Variants in SLIT3 observed in about 807,000 individuals in gnomAD.
The protein encoded by SLIT3 is slit guidance ligand 3, also known as slit homolog 3 protein.
SLIT3 carries 68 observed loss-of-function variants against 184.0 expected under a neutral mutation model. The ratio of observed to expected loss-of-function variants is 0.37; its 90% CI spans 0.30 to 0.45. The LOEUF (loss-of-function observed/expected upper bound fraction) is 0.45. SLIT3 is among the 20% of genes least tolerant of loss of function. The pLI, the probability that SLIT3 is intolerant of heterozygous loss-of-function variation, is 1.00. For synonymous variants in SLIT3, 831 were observed against 828.6 expected (o/e 1.00, Z -0.05); for missense variants, 1,707 against 2,026.0 (o/e 0.84, Z 3.02).
intron 4 of SLIT3, among the ~76,000 whole-genome samples, chr5:169,103,005 TAA>T (rs373556773): frequency 2.1e-4 from 32 of 152,330 alleles, no homozygotes; most frequent in African/African-American, 7.0e-4. Context: ...ACTATGATAA[TAA>T]AAGTTATAAT....
At chr5:169,042,497 T>C (rs1470547285) in intron 4 of SLIT3, among the ~76,000 whole-genome samples, 1 of 152,206 alleles carries the variant, frequency 6.6e-6, no homozygotes, top group Non-Finnish European at 1.5e-5. Flanking sequence ...GCCCCTCTGC[T>C]CTCCTAGGGT....
intron 4 of SLIT3, among the ~76,000 whole-genome samples, chr5:168,893,921 T>C (rs565118161): frequency 2.0e-5 from 3 of 152,152 alleles, no homozygotes; most frequent in African/African-American, 2.4e-5. Context: ...ATTAAGGGGA[T>C]GGGGAGTGTG....
At chr5:169,284,497 C>T (rs975380877) in intron 1 of SLIT3, among the ~76,000 whole-genome samples, 1 of 152,148 alleles carries the variant, frequency 6.6e-6, no homozygotes, top group African/African-American at 2.4e-5. Context: ...CAAAAGAACA[C>T]AAATTGTTAA....
chr5:168,995,504 G>T (rs1322798676), intron 4 of SLIT3: 10 of 152,182 alleles, frequency 6.6e-5, no homozygotes, highest in African/African-American at 2.2e-4. Flanking sequence ...CAATGATTAA[G>T]TGATGAAAGA....
Position 168,803,040 on chromosome 5 carries a change from A to C in SLIT3, c.935+3406T>G, listed in dbSNP as rs975084058. Among the ~76,000 whole-genome samples the C allele has an allele frequency of 3.3e-5, 5 of 152,336 alleles. No homozygotes were observed. The South Asian group carries it at 1.0e-3, about 32-fold the overall frequency. ...GTTGTTTGTATCTCCTTATTTCTGG[A>C]AACACTCTAGCTAGGATGATCATTC... On this transcript the variant is annotated intron_variant, in intron 9 of 35. Coordinates refer to ENST00000519560, the MANE Select transcript of SLIT3 (RefSeq NM_003062.4).
intron 4 of SLIT3, among the ~76,000 whole-genome samples, chr5:169,080,195 A>G (rs1294726141): frequency 1.3e-5 from 2 of 152,152 alleles, no homozygotes; most frequent in Non-Finnish European, 2.9e-5. Context: ...GCTTCTTGCT[A>G]AAACTGGACT....
chr5:168,886,003 C>T (rs1322345152), intron 4 of SLIT3, among the ~76,000 whole-genome samples: 2 of 152,162 alleles, frequency 1.3e-5, no homozygotes, highest in African/African-American at 4.8e-5. Context: ...TATTTTCTTG[C>T]TGTAAATATA....
At chr5:168,844,314 A>G (rs1444990881) in intron 6 of SLIT3, among the ~76,000 whole-genome samples, 2 of 152,136 alleles carry the variant, frequency 1.3e-5, no homozygotes, top group Non-Finnish European at 2.9e-5. Context: ...ACTGGGGGAA[A>G]AGGAGAAAGA....
chr5:168,820,858 G>T (rs1757505911), intron 7 of SLIT3, among the ~76,000 whole-genome samples: 1 of 152,092 alleles, frequency 6.6e-6, no homozygotes, highest in African/African-American at 2.4e-5. Context: ...ATAAAATGTG[G>T]CTTTCTAAAT....
At position 168,966,770 on chromosome 5, in the gene SLIT3, C is replaced by T. The variant is rs75918856; in HGVS notation, c.414-83434G>A. ...GTCATGGTGTTCCTTCCAGCCTCTC[C>T]AACTTTAACAGCATCTACCATTTTG... is the stretch of plus-strand genomic sequence containing the variant. On this transcript the variant is annotated intron_variant, in intron 4 of 35. Transcript: ENST00000519560. Among the ~76,000 whole-genome samples the T allele has an allele frequency of 2.6e-5, 4 of 152,262 alleles. No individual in the cohort carries two copies. In the East Asian group the frequency reaches 7.7e-4, roughly 29 times the overall value.
At chr5:168,868,914 C>G (rs570697889) in intron 5 of SLIT3, among the ~76,000 whole-genome samples, 1 of 152,116 alleles carries the variant, frequency 6.6e-6, no homozygotes, top group African/African-American at 2.4e-5. Flanking sequence ...GAAAATCTCA[C>G]CTATTCTATT....
intron 4 of SLIT3, among the ~76,000 whole-genome samples, chr5:169,188,114 T>C (rs1763421749): frequency 6.6e-6 from 1 of 152,128 alleles, no homozygotes; most frequent in South Asian, 2.1e-4. Context: ...CAGGCCATCA[T>C]GCCTAGCTAT....
At chr5:168,908,829 A>G (rs1255826625) in intron 4 of SLIT3, among the ~76,000 whole-genome samples, 1 of 152,204 alleles carries the variant, frequency 6.6e-6, no homozygotes, top group East Asian at 1.9e-4. Flanking sequence ...TTCAACTACT[A>G]TTTCAACTAA....
chr5:168,831,537 AG>A (rs1757882206), intron 6 of SLIT3, among the ~76,000 whole-genome samples: 1 of 152,234 alleles, frequency 6.6e-6, no homozygotes, highest in South Asian at 2.1e-4. Flanking sequence ...TGATCTCACA[AG>A]GGGCCTTATT....
At position 168,803,559 on chromosome 5, in the gene SLIT3, C is replaced by T. The variant is rs569519169; in HGVS notation, c.935+2887G>A. Among the ~76,000 whole-genome samples, 13 of 152,306 alleles carry T rather than the reference C, an allele frequency of 8.5e-5. No individual in the cohort carries two copies. The South Asian group carries it at 2.1e-3, about 24-fold the overall frequency. On this transcript the variant is annotated intron_variant, in intron 9 of 35. Transcript: ENST00000519560. ...CCTGGAGAGCTGAGCTGTGTATCCA[C>T]GAGGTCCAAACTGAGAGTATAGAGA...
chr5:169,227,678 G>A (rs929248691), intron 3 of SLIT3, among the ~76,000 whole-genome samples: 1 of 152,140 alleles, frequency 6.6e-6, no homozygotes, highest in Non-Finnish European at 1.5e-5. Flanking sequence ...CGCCCACCTC[G>A]GCCTCCCAAA....
chr5:168,752,833 A>G, intron 18 of SLIT3, 122 bp downstream of exon 18: 1 of 971,844 alleles, frequency 1.0e-6, no homozygotes, highest in Non-Finnish European at 1.6e-6. Flanking sequence ...AGAAAGCCTG[A>G]CGAGTTTTTA....
rs753895101 is a variant in SLIT3 at position 168,772,888 on chromosome 5, T to C, written c.1352A>G (p.Tyr451Cys). 6 of 1,613,310 alleles carry C rather than the reference T, an allele frequency of 3.7e-6. No homozygotes were observed. The highest frequency in any genetic ancestry group is 1.7e-6 in the Non-Finnish European group (2 of 1,179,728). The part of the protein sequence containing the change: ...CDCHLKWLAD[Y>C]LQDNPIETSG... ...TGTCTCGATGGGGTTGTCCTGGAGG[T>C]AGTCGGCCAGCCACTTCAAGTGGCA... Residue 451 changes from tyrosine to cysteine, a missense_variant, in exon 14 of 36, where the codon TAC becomes TGC. Physicochemically the swap from Tyr to Cys is radical, Grantham distance 194 (BLOSUM62 -2). This residue lies in a region of SLIT3 where 1,307 missense variants were observed against 1,511.6 expected (regional missense o/e 0.86). Transcript: ENST00000519560.
At chr5:168,813,816 C>T (rs1336608478) in intron 8 of SLIT3, among the ~76,000 whole-genome samples, 9 of 152,240 alleles carry the variant, frequency 5.9e-5, no homozygotes, top group East Asian at 1.9e-4. Context: ...ACAGGCTGAG[C>T]GAGATAAAGC....
Sources: gnomAD v4.1 joint callset for allele counts (sites outside exome capture counted in the v4.1 genomes callset) on GRCh38, gnomAD v4.1.1 for gene constraint, gnomAD v4.1.1 regional missense constraint, MANE v1.5 for transcripts, NCBI Gene and HGNC (gene_info 2026-07-23, HGNC 2026-07-21) for gene names.